The following KDM2A variants were observed in gnomAD, a reference collection of about 807,000 sequenced individuals.
KDM2A encodes the protein lysine demethylase 2A.
Under a neutral mutation model 137.3 loss-of-function variants are expected in KDM2A, and 3 were observed. The ratio of observed to expected loss-of-function variants is 0.02; its 90% CI spans 0.01 to 0.06. The LOEUF (loss-of-function observed/expected upper bound fraction) is 0.06. Among genes scored for constraint, KDM2A ranks in the 10% least tolerant of loss-of-function variants. The probability of loss-of-function intolerance (pLI) is 1.00; values close to 1 mark genes in which losing one functional copy is unlikely to be tolerated. For missense variants in KDM2A, 738 were observed against 1,510.6 expected, an observed-to-expected ratio of 0.49 and a Z score of 8.48; for synonymous variants, 512 against 541.5, an observed-to-expected ratio of 0.95 and a Z score of 0.76.
intron 2 of KDM2A, among the ~76,000 whole-genome samples, chr11:67,149,796 C>T (rs1565378676): frequency 2.0e-5 from 3 of 150,924 alleles, no homozygotes; most frequent in Non-Finnish European, 4.4e-5. Flanking sequence ...TCTCGGCTCA[C>T]TGCAACCTCG....
At chr11:67,252,489 G>A (rs2136465001) in intron 17 of KDM2A, 1 of 595,424 alleles carries the variant, frequency 1.7e-6, no homozygotes, top group South Asian at 1.9e-5. Flanking sequence ...CAACATGTAG[G>A]TTTGCAAAGC....
chr11:67,122,353 TCTCA>T (rs1314025760), intron 2 of KDM2A, among the ~76,000 whole-genome samples: 4 of 152,106 alleles, frequency 2.6e-5, no homozygotes, highest in Admixed American at 6.6e-5. Context: ...TGAGATTGAG[TCTCA>T]CTCTGTCGCC....
intron 5 of KDM2A, among the ~76,000 whole-genome samples, chr11:67,198,759 GTTTGT>G (rs71056183): frequency 0.025 from 3,796 of 149,268 alleles, 74 homozygotes; most frequent in East Asian, 0.049. Context: ...GTGATCAGTA[GTTTGT>G]TTTGTTTTGT....
rs542653531 is a variant in KDM2A, at chr11:67,255,508, T to C, written c.*453T>C. 60 of 457,292 alleles carry C rather than the reference T, an allele frequency of 1.3e-4. 1 individual carries two copies. The highest frequency in any genetic ancestry group is 9.1e-4 in the South Asian group (59 of 64,564). The allele number at this position is 457,292 out of a possible 1,614,324, so 28.3% of individuals were successfully genotyped here. ...TCTTGTGGTGTCCAGTGCGCGTCTCTCCTCCATCACACTCTCCCGGCTTGC... is the reference window on the plus strand; with the variant it reads ...TCTTGTGGTGTCCAGTGCGCGTCTCCCCTCCATCACACTCTCCCGGCTTGC... On this transcript the variant is annotated 3_prime_UTR_variant, in exon 21 of 21. Transcript: ENST00000529006.
rs1001242633 is a variant in KDM2A, at chr11:67,256,212, G to A, written c.*1157G>A. The A allele has an allele frequency of 6.6e-6, 1 of 151,014 alleles. No individual in the cohort carries two copies. Among genetic ancestry groups the A allele is most frequent in the African/African-American group, 2.4e-5 (1 of 41,288 alleles). The allele number at this position is 151,014 out of a possible 1,614,324, so 9.4% of individuals were successfully genotyped here. On this transcript the variant is annotated 3_prime_UTR_variant, in exon 21 of 21. Transcript: ENST00000529006. ...TGAGTGTATTCTGCGCGTGTGTGTGGAGGGAGGGAGGGAGGGGAGCATGGT... is the reference window on the plus strand; with the variant it reads ...TGAGTGTATTCTGCGCGTGTGTGTGAAGGGAGGGAGGGAGGGGAGCATGGT...
intron 2 of KDM2A, among the ~76,000 whole-genome samples, chr11:67,150,210 A>G (rs770330568): frequency 2.6e-5 from 4 of 152,232 alleles, no homozygotes; most frequent in Non-Finnish European, 5.9e-5. Flanking sequence ...TTGTTTTTCT[A>G]GCCGATAAAT....
chr11:67,225,793 G>A (rs1315830845), intron 10 of KDM2A, among the ~76,000 whole-genome samples: 3 of 151,580 alleles, frequency 2.0e-5, no homozygotes, highest in African/African-American at 7.3e-5. Context: ...AGCTGGGCAC[G>A]GTGGCTCATG....
intron 5 of KDM2A, among the ~76,000 whole-genome samples, chr11:67,198,416 G>A (rs1283750280): frequency 6.6e-6 from 1 of 151,372 alleles, no homozygotes; most frequent in Non-Finnish European, 1.5e-5. Context: ...CTTCATGTCT[G>A]TCACATTTTA....
rs907390119 is a variant in KDM2A at position 67,257,747 on chromosome 11, A to G, written c.*2692A>G. The G allele has an allele frequency of 4.6e-5, 7 of 152,262 alleles. No individual in the cohort carries two copies. Among genetic ancestry groups the G allele is most frequent in the South Asian group, 2.1e-4 (1 of 4,834 alleles). 9.4% of individuals were successfully genotyped at this position (152,262 alleles called of 1,614,324 possible). A position where few individuals can be genotyped will look rare whatever the true frequency, so the allele number is the denominator to read the frequency against. On this transcript the variant is annotated 3_prime_UTR_variant, in exon 21 of 21. Coordinates refer to ENST00000529006, the MANE Select transcript of KDM2A (RefSeq NM_012308.3). ...TTTTTTTGTTGCTGATTTAGAGTCAATCTCCAATGTTGTGCTAAAAAGTTT... is the reference window on the plus strand; with the variant it reads ...TTTTTTTGTTGCTGATTTAGAGTCAGTCTCCAATGTTGTGCTAAAAAGTTT...
chr11:67,248,083 C>T (rs992734271), intron 15 of KDM2A, among the ~76,000 whole-genome samples, 198 bp from the exon 16 acceptor site: 1 of 152,204 alleles, frequency 6.6e-6, no homozygotes, highest in Admixed American at 6.5e-5. Context: ...AGTCCCTAAA[C>T]CCAAGCTATC....
At chr11:67,135,447 T>C (rs1055723532) in intron 2 of KDM2A, among the ~76,000 whole-genome samples, 8 of 152,182 alleles carry the variant, frequency 5.3e-5, no homozygotes, top group Non-Finnish European at 1.0e-4. Context: ...GTTAAAATAT[T>C]TTTAATTGCC....
At chr11:67,185,551 A>G (rs375063005) in intron 5 of KDM2A, among the ~76,000 whole-genome samples, 44 of 151,240 alleles carry the variant, frequency 2.9e-4, no homozygotes, top group Non-Finnish European at 4.3e-4. Flanking sequence ...AATTTATTGA[A>G]CCCGGGAGGT....
At chr11:67,212,351 A>G (rs1477839192) in intron 6 of KDM2A, among the ~76,000 whole-genome samples, 1 of 152,228 alleles carries the variant, frequency 6.6e-6, no homozygotes, top group Admixed American at 6.5e-5. Flanking sequence ...GGCAACTTTT[A>G]CATGCCTGTT....
chr11:67,120,405 A>G (rs1855572825), intron 1 of KDM2A, among the ~76,000 whole-genome samples: 1 of 152,208 alleles, frequency 6.6e-6, no homozygotes, highest in Middle Eastern at 3.2e-3. Flanking sequence ...AACGGGGGGA[A>G]CCTGTGTTCT....
intron 10 of KDM2A, among the ~76,000 whole-genome samples, chr11:67,227,702 T>G (rs1039042204): frequency 6.6e-6 from 1 of 152,134 alleles, no homozygotes; most frequent in Non-Finnish European, 1.5e-5. Context: ...CCCGAGTAGC[T>G]GGGATTACAA....
intron 2 of KDM2A, among the ~76,000 whole-genome samples, chr11:67,126,761 C>T (rs1023368943): frequency 6.7e-6 from 1 of 149,876 alleles, no homozygotes; most frequent in Admixed American, 6.6e-5. Flanking sequence ...TTACCTATTA[C>T]GTGTGGAAAA....
chr11:67,224,948 TCTC>T (rs1590803891), intron 10 of KDM2A, among the ~76,000 whole-genome samples: 1 of 146,268 alleles, frequency 6.8e-6, no homozygotes, highest in Non-Finnish European at 1.5e-5. Context: ...TTCAAACAAT[TCTC>T]CTGCCCAGGC....
At chr11:67,196,314 A>G (rs2136358957) in intron 5 of KDM2A, 2 of 456,068 alleles carry the variant, frequency 4.4e-6, no homozygotes, top group Non-Finnish European at 8.8e-6. Context: ...TGGGCCTATT[A>G]CAGTTTTAAG....
At chr11:67,233,662 A>G in intron 12 of KDM2A, among the ~76,000 whole-genome samples, 1 of 141,296 alleles carries the variant, frequency 7.1e-6, no homozygotes, top group African/African-American at 2.7e-5. Context: ...CAACAACAAC[A>G]ACAACAAATC....
Sources: allele counts gnomAD v4.1 joint callset (sites outside exome capture counted in the v4.1 genomes callset), GRCh38; gene constraint gnomAD v4.1.1; transcripts MANE v1.5; gene names NCBI Gene and HGNC (gene_info 2026-07-23, HGNC 2026-07-21).